The following CCP110 variants were observed in gnomAD, a reference collection of about 807,000 sequenced individuals.
CCP110 encodes centriolar coiled-coil protein 110.
Under a neutral mutation model 105.5 loss-of-function variants are expected in CCP110, and 43 were observed. The ratio of observed to expected loss-of-function variants is 0.41; its 90% CI spans 0.32 to 0.53. The LOEUF (loss-of-function observed/expected upper bound fraction) is 0.53. Among genes scored for constraint, CCP110 ranks in the 20% least tolerant of loss-of-function variants. The probability of loss-of-function intolerance (pLI) is 0.32; values close to 1 mark genes in which losing one functional copy is unlikely to be tolerated. For synonymous variants in CCP110, 353 were observed against 392.1 expected, an observed-to-expected ratio of 0.90 and a Z score of 1.18; for missense variants, 1,016 against 1,189.1, an observed-to-expected ratio of 0.85 and a Z score of 2.14.
chr16:19,542,117 A>G (rs560208258), intron 6 of CCP110, 53 bp downstream of exon 6: 2 of 1,236,218 alleles, frequency 1.6e-6, no homozygotes, highest in Admixed American at 4.8e-5. Context: ...ACGGTAAGAT[A>G]TTTATTTGGC....
At position 19,548,657 on chromosome 16, in the gene CCP110, C is replaced by G; in HGVS notation, c.2986+57C>G. On this transcript the variant is annotated intron_variant, in intron 14 of 14. Coordinates refer to ENST00000381396, the Ensembl canonical transcript of CCP110. This position sits in a 1 kb window ranked among gnomAD's most constrained non-coding sequence, Gnocchi z 4.1. The stretch of plus-strand genomic sequence containing the variant: ...CAATAGAAGGAAGTGCACAAGCTGC[C>G]CCATAACTCAGGCCATAGAAGTGGA... 2 of 1,089,824 alleles carry G rather than the reference C, an allele frequency of 1.8e-6. No homozygotes were observed. The highest frequency in any genetic ancestry group is 2.7e-6 in the Non-Finnish European group (2 of 742,404). The allele number at this position is 1,089,824 out of a possible 1,614,324, so 67.5% of individuals were successfully genotyped here.
intron 9 of CCP110, 86 bp from the exon 10 acceptor site, chr16:19,545,008 A>G: frequency 1.0e-6 from 1 of 979,128 alleles, no homozygotes; most frequent in Non-Finnish European, 1.6e-6. Context: ...ATCTTTTTCT[A>G]TAAATAAGTG....
intron 1 of CCP110, among the ~76,000 whole-genome samples, 173 bp downstream of exon 1, chr16:19,524,261 G>A (rs1195035681): frequency 3.3e-5 from 5 of 152,152 alleles, no homozygotes; most frequent in Admixed American, 2.6e-4. Context: ...GGGGCAGCCA[G>A]CACCGGGCGC....
Position 19,534,642 on chromosome 16 carries a change from T to A in CCP110, c.271-1298T>A, listed in dbSNP as rs574269997. ...GGTCCTGAGGCTGTGACTAAGTATG[T>A]CTTGTACTCTTGTACTGTTGATTGC... On this transcript the variant is annotated intron_variant, in intron 3 of 14. Coordinates refer to ENST00000381396, the Ensembl canonical transcript of CCP110. Among the ~76,000 whole-genome samples, 4 of 97,652 alleles carry A rather than the reference T, an allele frequency of 4.1e-5. No homozygotes were observed. The East Asian group carries it at 1.1e-3, about 27-fold the overall frequency. 64.1% of individuals were successfully genotyped at this position (97,652 alleles called of 152,430 possible).
At position 19,524,418 on chromosome 16, in the gene CCP110, A is replaced by AC. The variant is rs1043800775; in HGVS notation, c.-16+334dup. ...ATAAAACTCGGGCCAGAGCCGGAGA[A>AC]CCCCATCGTGGTGATCAAATTGTTT... is the stretch of plus-strand genomic sequence containing the variant. On this transcript the variant is annotated intron_variant, in intron 1 of 14. Coordinates refer to ENST00000381396, the Ensembl canonical transcript of CCP110. Among the ~76,000 whole-genome samples the AC allele has an allele frequency of 4.6e-5, 7 of 151,716 alleles. No individual in the cohort carries two copies. In the East Asian group the frequency reaches 1.4e-3, roughly 30 times the overall value.
intron 4 of CCP110, among the ~76,000 whole-genome samples, chr16:19,538,569 C>CT (rs1970165193): frequency 6.6e-6 from 1 of 151,894 alleles, no homozygotes; most frequent in African/African-American, 2.4e-5. Context: ...CTCAGCCTCC[C>CT]AAAGTGCTGG....
In CCP110 at chr16:19,537,207, G is replaced by GTA. The variant is rs1567355926; in HGVS notation, c.1541_1542dup (p.Ala515Ter). The GTA allele has an allele frequency of 6.2e-7, 1 of 1,614,182 alleles. No individual in the cohort carries two copies. Among genetic ancestry groups the GTA allele is most frequent in the Non-Finnish European group, 8.5e-7 (1 of 1,180,042 alleles). ...CATGAACCATATGCCAGCAGTCAGT[G>GTA]TATAGCAAGTCCAAACTTTGGAACT... On this transcript the variant is annotated frameshift_variant, in exon 4 of 15. Coordinates refer to ENST00000381396, the Ensembl canonical transcript of CCP110. LOFTEE classifies it high-confidence loss of function.
At chr16:19,534,872 CTTTTTTTTTTTTT>C (rs35522152) in intron 3 of CCP110, among the ~76,000 whole-genome samples, 2 of 100,542 alleles carry the variant, frequency 2.0e-5, no homozygotes, top group East Asian at 5.2e-4. Flanking sequence ...AATATTCAGA[CTTTTTTTTTTTTT>C]TTTTTTTTTT....
At chr16:19,532,511 G>T in exon 3 of CCP110, 2 of 1,611,138 alleles carry the variant, frequency 1.2e-6, no homozygotes, top group South Asian at 2.2e-5. Flanking sequence ...AAGCTTTACT[G>T]ACTCGTGTCC....
chr16:19,531,603 A>G (rs1969869089), intron 2 of CCP110, among the ~76,000 whole-genome samples: 1 of 152,240 alleles, frequency 6.6e-6, no homozygotes, highest in Non-Finnish European at 1.5e-5. Context: ...TTTTTGAGGC[A>G]GCAAAGAGTT....
At chr16:19,546,377 A>G in intron 11 of CCP110, 35 bp from the exon 12 acceptor site, 1 of 1,223,914 alleles carries the variant, frequency 8.2e-7, no homozygotes, top group South Asian at 1.3e-5. Context: ...TCCCTTCTCT[A>G]AATACATTAT....
In CCP110 at chr16:19,548,948, G is replaced by C. The variant is rs1051248298; in HGVS notation, c.2986+348G>C. ...CTGGTGCTAAGTCTGTGCATTGTCT[G>C]TTCAGCTTGGGGAAGTGTATCTGCA... On this transcript the variant is annotated intron_variant, in intron 14 of 14. Coordinates refer to ENST00000381396, the Ensembl canonical transcript of CCP110. This position sits in a 1 kb window ranked among gnomAD's most constrained non-coding sequence, Gnocchi z 4.1. Among the ~76,000 whole-genome samples, 3 of 152,150 alleles carry C rather than the reference G, an allele frequency of 2.0e-5. No homozygotes were observed. The highest frequency in any genetic ancestry group is 2.1e-4 in the South Asian group (1 of 4,830).
chr16:19,539,468 T>C (rs1045279101), intron 4 of CCP110, among the ~76,000 whole-genome samples: 4 of 152,086 alleles, frequency 2.6e-5, no homozygotes, highest in African/African-American at 9.6e-5. Flanking sequence ...GCGATTCTCC[T>C]GCCTCAGCCT....
At chr16:19,527,434 T>C (rs190263317) in intron 1 of CCP110, among the ~76,000 whole-genome samples, 1 of 152,272 alleles carries the variant, frequency 6.6e-6, no homozygotes, top group African/African-American at 2.4e-5. Flanking sequence ...AAGTAAATAT[T>C]CTTTGATTTA....
chr16:19,540,037 C>A (rs747222752), intron 4 of CCP110, among the ~76,000 whole-genome samples: 59 of 152,100 alleles, frequency 3.9e-4, no homozygotes, highest in African/African-American at 7.2e-4. Context: ...CCTGCCTTGG[C>A]CTCCCAAAGT....
chr16:19,527,709 A>G (rs1444574807), intron 1 of CCP110, 158 bp from the exon 2 acceptor site: 1 of 439,068 alleles, frequency 2.3e-6, no homozygotes, highest in Non-Finnish European at 4.0e-6. Flanking sequence ...GTGAATTACC[A>G]TACCCAAGAA....
At chr16:19,544,989 A>AAGATTAAAATAGTTTTCATTGAAAC in intron 9 of CCP110, 91 bp downstream of exon 9, 1 of 991,044 alleles carries the variant, frequency 1.0e-6, no homozygotes, top group Non-Finnish European at 1.6e-6. Flanking sequence ...TTCAATGAAA[A>AAGATTAAAATAGTTTTCATTGAAAC]CTATTTTAAT....
intron 8 of CCP110, among the ~76,000 whole-genome samples, chr16:19,544,185 C>T (rs906560212): frequency 2.0e-5 from 3 of 152,156 alleles, no homozygotes; most frequent in African/African-American, 7.2e-5. Context: ...ATCTGGCTGA[C>T]ACTTATGAAA....
intron 2 of CCP110, among the ~76,000 whole-genome samples, chr16:19,529,119 T>C (rs912348854): frequency 1.3e-5 from 2 of 152,234 alleles, no homozygotes; most frequent in African/African-American, 4.8e-5. Context: ...AGATATAAAA[T>C]GGTTAGAATA....
Sources: gnomAD v4.1 joint callset for allele counts (sites outside exome capture counted in the v4.1 genomes callset) on GRCh38, gnomAD v4.1.1 for gene constraint, Gnocchi (gnomAD v3.1) non-coding constraint, MANE v1.5 for transcripts, NCBI Gene and HGNC (gene_info 2026-07-23, HGNC 2026-07-21) for gene names.